ZNF610: variants seen among roughly 807,000 people sequenced by gnomAD.
ZNF610 encodes the protein zink finger protein.
Under a neutral mutation model 14.1 loss-of-function variants are expected in ZNF610, and 14 were observed. That is an observed-to-expected ratio of 0.99 (90% confidence interval 0.65 to 1.55). The LOEUF (loss-of-function observed/expected upper bound fraction) is 1.55. ZNF610 is among the 40% of genes most tolerant of loss of function. The probability of loss-of-function intolerance (pLI) is 0.00; values close to 1 mark genes in which losing one functional copy is unlikely to be tolerated. For synonymous variants in ZNF610, 185 were observed against 187.6 expected, an observed-to-expected ratio of 0.99 and a Z score of 0.11; for missense variants, 530 against 558.0, an observed-to-expected ratio of 0.95 and a Z score of 0.51.
intron 5 of ZNF610, among the ~76,000 whole-genome samples, chr19:52,363,945 T>C (rs1985906316): frequency 6.6e-6 from 1 of 152,218 alleles, no homozygotes; most frequent in Admixed American, 6.5e-5. Context: ...TACTGCCTGC[T>C]TTTGTATTTT....
At chr19:52,351,859 C>T (rs1343976404) in intron 3 of ZNF610, among the ~76,000 whole-genome samples, 1 of 152,194 alleles carries the variant, frequency 6.6e-6, no homozygotes, top group Non-Finnish European at 1.5e-5. Context: ...TTTGTGGTTT[C>T]CTCTGGATGA....
chr19:52,354,105 C>CT (rs1985401769), intron 4 of ZNF610, 146 bp from the exon 5 acceptor site: 1 of 1,143,176 alleles, frequency 8.7e-7, no homozygotes, highest in African/African-American at 1.6e-5. Context: ...TGCATATTCC[C>CT]TAAGCATTCA....
At chr19:52,345,809 A>G (rs1354919434) in intron 1 of ZNF610, among the ~76,000 whole-genome samples, 2 of 151,752 alleles carry the variant, frequency 1.3e-5, no homozygotes, top group South Asian at 2.1e-4. Context: ...GGTTCACACC[A>G]TTCTCCCACC....
At chr19:52,337,228 A>C (rs1984428825) in intron 1 of ZNF610, among the ~76,000 whole-genome samples, 1 of 151,768 alleles carries the variant, frequency 6.6e-6, no homozygotes, top group Admixed American at 6.6e-5. Flanking sequence ...ACAGAGCAGC[A>C]TGGTGCTGGG....
rs1251106723 is a variant in ZNF610, at chr19:52,366,983, A to G, written c.*216A>G. 1 of 495,340 alleles carries G rather than the reference A, an allele frequency of 2.0e-6. No homozygotes were observed. Among genetic ancestry groups the G allele is most frequent in the South Asian group, 4.4e-5 (1 of 22,736 alleles). 30.7% of individuals were successfully genotyped at this position (495,340 alleles called of 1,614,324 possible). On this transcript the variant is annotated 3_prime_UTR_variant, in exon 6 of 6. Coordinates refer to ENST00000403906, the MANE Select transcript of ZNF610 (RefSeq NM_001161425.2). ...AGAGAGAACAGTTATATCAGAATAG[A>G]GCATTTAATGAAAACTACCAGTATA...
intron 3 of ZNF610, 54 bp from the exon 4 acceptor site, chr19:52,353,628 T>C (rs1985366064): frequency 6.3e-7 from 1 of 1,595,854 alleles, no homozygotes. Flanking sequence ...ATCAACTAAA[T>C]TGAGTACAAT....
intron 1 of ZNF610, among the ~76,000 whole-genome samples, chr19:52,340,670 AATT>A (rs34182877): frequency 0.021 from 3,124 of 146,130 alleles, 57 homozygotes; most frequent in East Asian, 0.031. Context: ...TTGTCTAGGA[AATT>A]ATTATTATTA....
Position 52,354,311 on chromosome 19 carries a change from T to G in ZNF610, c.251T>G (p.Ile84Ser). The G allele has an allele frequency of 6.2e-7, 1 of 1,614,202 alleles. No individual in the cohort carries two copies. The highest frequency in any genetic ancestry group is 1.1e-5 in the South Asian group (1 of 91,084). Residue 84 changes from isoleucine to serine, a missense_variant, in exon 5 of 6, where the codon ATT becomes AGT. Physicochemically the swap from Ile to Ser is moderately radical, Grantham distance 142 (BLOSUM62 -2). Transcript: ENST00000403906. The part of the protein sequence containing the change: ...SMLKQRREPL[I>S]LQSQVKIVKN... ...TTGAAGCAAAGGAGAGAGCCCTTGATTCTGCAAAGTCAAGTTAAAATAGTA... is the reference window on the plus strand; with the variant it reads ...TTGAAGCAAAGGAGAGAGCCCTTGAGTCTGCAAAGTCAAGTTAAAATAGTA...
At chr19:52,350,584 A>G (rs1568649410) in intron 3 of ZNF610, among the ~76,000 whole-genome samples, 1 of 152,212 alleles carries the variant, frequency 6.6e-6, no homozygotes, top group Non-Finnish European at 1.5e-5. Context: ...AGGCTGAGAC[A>G]GGAGAATTGC....
At chr19:52,349,659 G>A (rs1484534295) in intron 3 of ZNF610, among the ~76,000 whole-genome samples, 2 of 150,500 alleles carry the variant, frequency 1.3e-5, no homozygotes, top group East Asian at 2.0e-4. Context: ...TGCAACCTCC[G>A]CCTCCCGGGT....
chr19:52,366,243 A>G lies in ZNF610; in HGVS notation c.865A>G (p.Lys289Glu). Residue 289 changes from lysine to glutamate, a missense_variant, in exon 6 of 6, where the codon AAA (lysine) becomes GAA (glutamate). Lys to Glu is a moderately conservative substitution (Grantham distance 56). Transcript: ENST00000403906. ...QRIHTGEKPH[K>E]CNECGKAFRE... ...AATTCATACTGGAGAGAAGCCTCAC[A>G]AATGTAACGAATGTGGCAAAGCTTT... 6.2e-7 allele frequency: 1 copy of G among 1,614,204 alleles called. No individual in the cohort carries two copies. The highest frequency in any genetic ancestry group is 8.5e-7 in the Non-Finnish European group (1 of 1,180,030).
intron 5 of ZNF610, among the ~76,000 whole-genome samples, chr19:52,355,454 AGAGCATTT>A (rs762237497): frequency 6.6e-6 from 1 of 152,234 alleles, no homozygotes; most frequent in Non-Finnish European, 1.5e-5. Context: ...CACTCAGCAC[AGAGCATTT>A]CACTTCTGGT....
intron 3 of ZNF610, among the ~76,000 whole-genome samples, chr19:52,349,478 G>A (rs182582013): frequency 6.6e-6 from 1 of 152,068 alleles, no homozygotes; most frequent in Non-Finnish European, 1.5e-5. Flanking sequence ...GGTGTCAGTG[G>A]TGTTGGGCAG....
Position 52,367,504 on chromosome 19 carries a change from ATAG to A in ZNF610, c.*741_*743del. The A allele has an allele frequency of 6.6e-6, 1 of 152,216 alleles. No homozygotes were observed. Among genetic ancestry groups the A allele is most frequent in the Non-Finnish European group, 1.5e-5 (1 of 68,044 alleles). 9.4% of individuals were successfully genotyped at this position (152,216 alleles called of 1,614,324 possible). A position where few individuals can be genotyped will look rare whatever the true frequency, so the allele number is the denominator to read the frequency against. On this transcript the variant is annotated 3_prime_UTR_variant, in exon 6 of 6. Transcript: ENST00000403906. Reference sequence around the variant, plus strand: ...TAATCTTACCTCAGGAGGATACTTTATAGTAGAGAATAATAACCCATTATGATT... The same window carrying A: ...TAATCTTACCTCAGGAGGATACTTTATAGAGAATAATAACCCATTATGATT...
chr19:52,344,473 G>A (rs750858208), intron 1 of ZNF610, among the ~76,000 whole-genome samples: 15 of 152,288 alleles, frequency 9.8e-5, no homozygotes, highest in Non-Finnish European at 1.9e-4. Flanking sequence ...GCCAGAAGGT[G>A]GGGACTGTGC....
upstream of ZNF610, among the ~76,000 whole-genome samples, chr19:52,334,427 T>G (rs1248501930): frequency 6.6e-6 from 1 of 151,516 alleles, no homozygotes; most frequent in Admixed American, 6.6e-5. Flanking sequence ...GCAGGAGAAT[T>G]GGTTGAACCC....
At chr19:52,342,578 G>C (rs1395844812) in intron 1 of ZNF610, among the ~76,000 whole-genome samples, 1 of 148,862 alleles carries the variant, frequency 6.7e-6, no homozygotes, top group Admixed American at 6.7e-5. Context: ...GGAGTGTAGT[G>C]GCGCAATCTC....
chr19:52,345,475 C>T (rs971727319), intron 1 of ZNF610: 3 of 151,896 alleles, frequency 2.0e-5, no homozygotes, highest in African/African-American at 4.8e-5. Context: ...TGTGATGCTC[C>T]TAGAGGTGGT....
chr19:52,335,527 A>G (rs1237623547), upstream of ZNF610, among the ~76,000 whole-genome samples: 1 of 152,134 alleles, frequency 6.6e-6, no homozygotes, highest in Non-Finnish European at 1.5e-5. Context: ...CACTCTAGAG[A>G]TGACTCAGTG....
Sources: gnomAD v4.1 joint callset for allele counts (sites outside exome capture counted in the v4.1 genomes callset) on GRCh38, gnomAD v4.1.1 for gene constraint, MANE v1.5 for transcripts, NCBI Gene and HGNC (gene_info 2026-07-23, HGNC 2026-07-21) for gene names.